The following PCNX2 variants were observed in gnomAD, a reference collection of about 807,000 sequenced individuals.
PCNX2 encodes the protein pecanex-like protein 2.
In PCNX2, 168 loss-of-function variants were observed where a neutral mutation model predicts 223.8. The observed-to-expected ratio is 0.75, with a 90% CI of 0.66 to 0.85. The LOEUF (loss-of-function observed/expected upper bound fraction) is 0.85, where lower values mean the gene tolerates loss of function less well. PCNX2 is among the 40% of genes least tolerant of loss of function. PCNX2 has a pLI of 0.00. For synonymous variants in PCNX2, 1,006 were observed against 1,052.6 expected (o/e 0.96, Z 0.86); for missense variants, 2,507 against 2,675.5 (o/e 0.94, Z 1.39).
At chr1:233,255,443 A>G (rs60520557) in intron 5 of PCNX2, among the ~76,000 whole-genome samples, 4,289 of 152,230 alleles carry the variant, frequency 0.028, 108 homozygotes, top group African/African-American at 0.072. Flanking sequence ...CCAAGCGATG[A>G]CCGCTGACTC....
At chr1:233,325,451 G>A in the PCNX2 span, among the ~76,000 whole-genome samples, 1 of 148,440 alleles carries the variant, frequency 6.7e-6, no homozygotes, top group Non-Finnish European at 1.5e-5. Context: ...GAGGTCAGGA[G>A]ATCGAGACCA....
chr1:233,171,537 T>C (rs943654006), intron 17 of PCNX2, among the ~76,000 whole-genome samples: 1 of 152,234 alleles, frequency 6.6e-6, no homozygotes. Flanking sequence ...ATGAGGGCTC[T>C]TGATAAGGGA....
At chr1:233,167,629 A>G (rs1317974817) in intron 17 of PCNX2, 1 of 654,274 alleles carries the variant, frequency 1.5e-6, no homozygotes, top group Non-Finnish European at 1.9e-6. Context: ...ACTTCACTAT[A>G]GTAACCATTT....
intron 1 of PCNX2, among the ~76,000 whole-genome samples, chr1:233,279,691 GATTT>G (rs1164879474): frequency 6.6e-6 from 1 of 151,972 alleles, no homozygotes; most frequent in Non-Finnish European, 1.5e-5. Context: ...ATTATAACAT[GATTT>G]ATTATTTTCT....
Position 233,179,265 on chromosome 1 carries a change from C to T in PCNX2, c.3067-90G>A. On this transcript the variant is annotated intron_variant, in intron 15 of 33. Coordinates refer to ENST00000258229, the MANE Select transcript of PCNX2 (RefSeq NM_014801.4). ...GACATTTAGAAATATCCCCAAGGTC[C>T]AGCTGGATGGATGAGTTATTCCCAT... 2.3e-6 allele frequency: 3 copies of T among 1,321,830 alleles called. No homozygotes were observed. In the South Asian group the frequency reaches 3.8e-5, roughly 17 times the overall value. 81.9% of individuals were successfully genotyped at this position (1,321,830 alleles called of 1,614,324 possible). A position where few individuals can be genotyped will look rare whatever the true frequency, so the allele number is the denominator to read the frequency against.
Position 233,000,225 on chromosome 1 carries a change from C to T in PCNX2, c.5328+80G>A. The T allele has an allele frequency of 7.4e-7, 1 of 1,356,234 alleles. No homozygotes were observed. The highest frequency in any genetic ancestry group is 1.1e-6 in the Non-Finnish European group (1 of 947,628). 84.0% of individuals were successfully genotyped at this position (1,356,234 alleles called of 1,614,324 possible). Reference sequence around the variant, plus strand: ...CACAGAGACTCCTGTGTCAGTGCCCCCCTGCCCACCACCATTCTATTTCTT... The same window carrying T: ...CACAGAGACTCCTGTGTCAGTGCCCTCCTGCCCACCACCATTCTATTTCTT... On this transcript the variant is annotated intron_variant, in intron 30 of 33. Transcript: ENST00000258229. This position sits in a 1 kb window ranked among gnomAD's most constrained non-coding sequence, Gnocchi z 4.6.
At chr1:233,217,757 T>C in intron 12 of PCNX2, 142 bp downstream of exon 12, 1 of 843,048 alleles carries the variant, frequency 1.2e-6, no homozygotes, top group East Asian at 2.8e-5. Context: ...TGCACTTATA[T>C]ATATATATAT....
At chr1:233,175,025 A>G (rs150583724) in intron 17 of PCNX2, among the ~76,000 whole-genome samples, 1,563 of 152,298 alleles carry the variant, frequency 0.01, 26 homozygotes, top group African/African-American at 0.035. Context: ...GAATCAGAAT[A>G]TGGGCAGAGG....
At chr1:233,147,160 A>G (rs1366810575) in intron 19 of PCNX2, among the ~76,000 whole-genome samples, 5 of 152,016 alleles carry the variant, frequency 3.3e-5, no homozygotes, top group Non-Finnish European at 5.9e-5. Flanking sequence ...AACAAGGGGG[A>G]GGTTAGAGAC....
At chr1:233,091,788 A>T (rs72763912) in intron 22 of PCNX2, among the ~76,000 whole-genome samples, 19,625 of 147,298 alleles carry the variant, frequency 0.13, 1,437 homozygotes, top group East Asian at 0.18. Context: ...TTTTTTTTTT[A>T]AAACTTTCTA....
At chr1:233,027,391 A>G (rs1037335596) in intron 25 of PCNX2, among the ~76,000 whole-genome samples, 1 of 152,280 alleles carries the variant, frequency 6.6e-6, no homozygotes, top group South Asian at 2.1e-4. Context: ...TTTTGACTTT[A>G]TTATCTTTCT....
intron 16 of PCNX2, among the ~76,000 whole-genome samples, chr1:233,178,379 A>C (rs1448223926): frequency 2.0e-5 from 3 of 152,218 alleles, no homozygotes; most frequent in Admixed American, 6.5e-5. Context: ...ATCTTTCATA[A>C]ATTTAAACAA....
chr1:233,217,692 CT>C (rs1196798810), intron 12 of PCNX2, among the ~76,000 whole-genome samples: 2 of 152,134 alleles, frequency 1.3e-5, no homozygotes, highest in Non-Finnish European at 2.9e-5. Flanking sequence ...TGCCCCACAC[CT>C]TCCCCCATAC....
chr1:233,292,212 T>C (rs1467186730), intron 1 of PCNX2, among the ~76,000 whole-genome samples: 1 of 142,772 alleles, frequency 7.0e-6, no homozygotes, highest in Non-Finnish European at 1.5e-5. Flanking sequence ...CTTTTTTTTT[T>C]TTTTTTTTTT....
chr1:233,248,930 A>C (rs1314655522), intron 8 of PCNX2, among the ~76,000 whole-genome samples: 1 of 152,214 alleles, frequency 6.6e-6, no homozygotes, highest in Non-Finnish European at 1.5e-5. Flanking sequence ...AGCTGTGGAA[A>C]TGGAAGGCAG....
At chr1:233,127,951 T>C (rs1337269776) in intron 21 of PCNX2, among the ~76,000 whole-genome samples, 1 of 152,236 alleles carries the variant, frequency 6.6e-6, no homozygotes, top group Non-Finnish European at 1.5e-5. Context: ...TGTATAAGTA[T>C]GTATTTTTTT....
chr1:233,057,390 G>A (rs1672232984), intron 23 of PCNX2, 100 bp from the exon 24 acceptor site: 1 of 882,454 alleles, frequency 1.1e-6, no homozygotes, highest in Admixed American at 2.0e-5. Flanking sequence ...ATGCAAAGGT[G>A]ACAGATCTCA....
At position 233,147,802 on chromosome 1, in the gene PCNX2, G is replaced by A. The variant is rs542292847; in HGVS notation, c.3518-7947C>T. Among the ~76,000 whole-genome samples, 12 of 152,304 alleles carry A rather than the reference G, an allele frequency of 7.9e-5. No individual in the cohort carries two copies. In the East Asian group the frequency reaches 2.3e-3, roughly 29 times the overall value. Reference sequence around the variant, plus strand: ...GCCACAATAACACATATGGAGATGGGCTGAGGCCAGGGATCTTTAAGAGGT... The same window carrying A: ...GCCACAATAACACATATGGAGATGGACTGAGGCCAGGGATCTTTAAGAGGT... On this transcript the variant is annotated intron_variant, in intron 19 of 33. Transcript: ENST00000258229.
At chr1:233,019,207 T>C in intron 26 of PCNX2, 3 of 985,212 alleles carry the variant, frequency 3.0e-6, no homozygotes, top group Non-Finnish European at 3.6e-6. Flanking sequence ...TTTGGGGAGG[T>C]TCCTCTGTGG....
Sources: allele counts gnomAD v4.1 joint callset (sites outside exome capture counted in the v4.1 genomes callset), GRCh38; gene constraint gnomAD v4.1.1; non-coding constraint Gnocchi (gnomAD v3.1); transcripts MANE v1.5; gene names NCBI Gene and HGNC (gene_info 2026-07-23, HGNC 2026-07-21).